The following TNFRSF10B variants were observed in gnomAD, a reference collection of about 807,000 sequenced individuals.
TNFRSF10B encodes the protein tumor necrosis factor receptor superfamily member 10B.
TNFRSF10B carries 35 observed loss-of-function variants against 41.4 expected under a neutral mutation model. That is an observed-to-expected ratio of 0.85 (90% CI 0.65 to 1.12). The LOEUF is 1.12. TNFRSF10B is among the 50% of genes most tolerant of loss of function. TNFRSF10B has a pLI of 0.00. For missense variants in TNFRSF10B, 584 were observed against 552.7 expected, an observed-to-expected ratio of 1.06 and a Z score of -0.57; for synonymous variants, 230 against 215.5, an observed-to-expected ratio of 1.07 and a Z score of -0.59.
Position 23,022,231 on chromosome 8 carries a change from G to A in TNFRSF10B, c.*440C>T. 2.2e-6 allele frequency: 1 copy of A among 453,182 alleles called. No individual in the cohort carries two copies. The highest frequency in any genetic ancestry group is 4.4e-6 in the Non-Finnish European group (1 of 226,054). 28.1% of individuals were successfully genotyped at this position (453,182 alleles called of 1,614,324 possible). On this transcript the variant is annotated 3_prime_UTR_variant, in exon 9 of 9. Coordinates refer to ENST00000276431, the MANE Select transcript of TNFRSF10B (RefSeq NM_003842.5). Reference sequence around the variant, plus strand: ...GCCAAGATTGCACCATTGCACTCCAGCCTGGGAGACAGAGTGAACTGCCCC... The same window carrying A: ...GCCAAGATTGCACCATTGCACTCCAACCTGGGAGACAGAGTGAACTGCCCC...
intron 2 of TNFRSF10B, among the ~76,000 whole-genome samples, chr8:23,031,912 A>ATATT (rs148152302): frequency 8.6e-4 from 24 of 27,866 alleles, no homozygotes; most frequent in African/African-American, 1.8e-3. Context: ...TTGCAGTAGC[A>ATATT]TTTTTTTTTT....
At chr8:23,031,740 G>C (rs184549896) in intron 2 of TNFRSF10B, among the ~76,000 whole-genome samples, 1 of 152,078 alleles carries the variant, frequency 6.6e-6, no homozygotes, top group Admixed American at 6.6e-5. Flanking sequence ...AAAAAGGTGA[G>C]AAGGGGTGAA....
In TNFRSF10B at chr8:23,023,145, C is replaced by T. The variant is rs12541697; in HGVS notation, c.1010-161G>A. ...ACCCGCTTCCCATCCACAGAGAGCGCGCCCACACTGCCTGGCCTCCCCCAC... is the reference window on the plus strand; with the variant it reads ...ACCCGCTTCCCATCCACAGAGAGCGTGCCCACACTGCCTGGCCTCCCCCAC... On this transcript the variant is annotated intron_variant, in intron 8 of 8. Coordinates refer to ENST00000276431, the MANE Select transcript of TNFRSF10B (RefSeq NM_003842.5). Among the ~76,000 whole-genome samples, 281 of 152,170 alleles carry T rather than the reference C, an allele frequency of 1.8e-3. 6 individuals are homozygous for T. Among genetic ancestry groups the T allele is most frequent in the Admixed American group, 0.017 (259 of 15,256 alleles).
chr8:23,033,352 A>C (rs780298357), intron 2 of TNFRSF10B, among the ~76,000 whole-genome samples: 2 of 152,138 alleles, frequency 1.3e-5, no homozygotes, highest in Non-Finnish European at 2.9e-5. Flanking sequence ...TGGGAGGCCG[A>C]GGCGGGCGGA....
At position 23,021,259 on chromosome 8, in the gene TNFRSF10B, A is replaced by G. The variant is rs1174825834; in HGVS notation, c.*1412T>C. 4.4e-6 allele frequency: 2 copies of G among 454,160 alleles called. No homozygotes were observed. The highest frequency in any genetic ancestry group is 2.3e-5 in the Admixed American group (1 of 42,584). 28.1% of individuals were successfully genotyped at this position (454,160 alleles called of 1,614,324 possible). ...CAGCCATTCTAGGTCCTGTTGCCAC[A>G]GTGTTTAAGAATTGACATTTCTGAG... On this transcript the variant is annotated 3_prime_UTR_variant, in exon 9 of 9. Transcript: ENST00000276431.
chr8:23,040,571 T>A (rs901729229), intron 2 of TNFRSF10B, among the ~76,000 whole-genome samples: 2 of 150,152 alleles, frequency 1.3e-5, no homozygotes, highest in African/African-American at 4.9e-5. Context: ...TAAAGTTTTT[T>A]CAAAAGGTGA....
Position 23,021,648 on chromosome 8 carries a change from G to C in TNFRSF10B, c.*1023C>G, listed in dbSNP as rs772894763. ...CCCAGGTAGGGACCAGCCACACACA[G>C]GACTTCACGTGGATCCAGTTCTCTT... On this transcript the variant is annotated 3_prime_UTR_variant, in exon 9 of 9. Transcript: ENST00000276431. 1.5e-5 allele frequency: 7 copies of C among 453,988 alleles called. No individual in the cohort carries two copies. The highest frequency in any genetic ancestry group is 9.4e-5 in the Admixed American group (4 of 42,558). The allele number at this position is 453,988 out of a possible 1,614,324, so 28.1% of individuals were successfully genotyped here.
chr8:23,063,713 G>A (rs1049258089), intron 1 of TNFRSF10B, among the ~76,000 whole-genome samples: 17 of 152,216 alleles, frequency 1.1e-4, no homozygotes, highest in African/African-American at 3.9e-4. Context: ...GACCCATCCC[G>A]AATGCTGTCC....
intron 1 of TNFRSF10B, among the ~76,000 whole-genome samples, chr8:23,051,768 C>T (rs1156528917): frequency 6.6e-6 from 1 of 152,126 alleles, no homozygotes; most frequent in African/African-American, 2.4e-5. Flanking sequence ...TGGTCTCCAT[C>T]TCCTGACCTT....
At chr8:23,034,755 C>T (rs1167877456) in intron 2 of TNFRSF10B, among the ~76,000 whole-genome samples, 3 of 152,238 alleles carry the variant, frequency 2.0e-5, no homozygotes, top group Non-Finnish European at 4.4e-5. Flanking sequence ...AGCAATACAA[C>T]ATTCCTGGAG....
At position 23,021,994 on chromosome 8, in the gene TNFRSF10B, C is replaced by T. The variant is rs1387556006; in HGVS notation, c.*677G>A. On this transcript the variant is annotated 3_prime_UTR_variant, in exon 9 of 9. Transcript: ENST00000276431. ...AAAGGTAAGGCCAAGCATGGGGGCT[C>T]ACGCCTCTAATTCCACCGCTTTGGG... 2.2e-6 allele frequency: 1 copy of T among 451,944 alleles called. No homozygotes were observed. Among genetic ancestry groups the T allele is most frequent in the Non-Finnish European group, 4.4e-6 (1 of 225,332 alleles). 28.0% of individuals were successfully genotyped at this position (451,944 alleles called of 1,614,324 possible).
intron 1 of TNFRSF10B, among the ~76,000 whole-genome samples, chr8:23,053,312 T>G (rs1223163827): frequency 6.6e-6 from 1 of 152,158 alleles, no homozygotes; most frequent in African/African-American, 2.4e-5. Context: ...AAGAAAAGGT[T>G]GCTAAGAATT....
chr8:23,029,544 G>A (rs1467668117), intron 4 of TNFRSF10B, 66 bp downstream of exon 4: 2 of 1,481,216 alleles, frequency 1.4e-6, no homozygotes, highest in Admixed American at 3.9e-5. Context: ...AGAGACAGGG[G>A]TACAAGGAGA....
intron 1 of TNFRSF10B, among the ~76,000 whole-genome samples, chr8:23,046,461 A>C (rs756183876): frequency 6.6e-6 from 1 of 152,196 alleles, no homozygotes; most frequent in Non-Finnish European, 1.5e-5. Context: ...ACACAAATGC[A>C]TGAAAATAAA....
intron 1 of TNFRSF10B, among the ~76,000 whole-genome samples, chr8:23,048,230 G>A (rs534550487): frequency 2.5e-4 from 38 of 152,046 alleles, no homozygotes; most frequent in Non-Finnish European, 3.7e-4. Context: ...GAGGTCAGGA[G>A]TTCGAGACCA....
At chr8:23,055,624 C>A in intron 1 of TNFRSF10B, among the ~76,000 whole-genome samples, 1 of 149,788 alleles carries the variant, frequency 6.7e-6, no homozygotes, top group East Asian at 2.0e-4. Context: ...TAAAGCATGA[C>A]AAAATAATGG....
chr8:23,035,547 T>A (rs974738502), intron 2 of TNFRSF10B, among the ~76,000 whole-genome samples: 1 of 152,180 alleles, frequency 6.6e-6, no homozygotes, highest in Admixed American at 6.5e-5. Flanking sequence ...AAGTAGCAAC[T>A]ATTCTAGACT....
intron 1 of TNFRSF10B, among the ~76,000 whole-genome samples, chr8:23,057,034 G>A (rs1358639534): frequency 9.1e-6 from 1 of 110,470 alleles, no homozygotes; most frequent in Non-Finnish European, 1.7e-5. Flanking sequence ...GATCTTTTAT[G>A]ACTTTTTTTT....
At chr8:23,034,616 G>C (rs1245047065) in intron 2 of TNFRSF10B, among the ~76,000 whole-genome samples, 1 of 152,170 alleles carries the variant, frequency 6.6e-6, no homozygotes, top group African/African-American at 2.4e-5. Context: ...AGTCTTAGCT[G>C]CTCAAGAAGC....
Sources: allele counts gnomAD v4.1 joint callset (sites outside exome capture counted in the v4.1 genomes callset), GRCh38; gene constraint gnomAD v4.1.1; transcripts MANE v1.5; gene names NCBI Gene and HGNC (gene_info 2026-07-23, HGNC 2026-07-21).